The following PCDHA2 variants were observed in gnomAD, a reference collection of about 807,000 sequenced individuals.
PCDHA2 encodes protocadherin alpha-2.
A neutral mutation model predicts 66.0 loss-of-function variants in PCDHA2; 58 were observed. That is an observed-to-expected ratio of 0.88 (90% CI 0.71 to 1.09). The LOEUF is 1.09. PCDHA2 is among the 50% of genes least tolerant of loss of function. The pLI is 0.00. For synonymous variants in PCDHA2, 634 were observed against 554.0 expected, an observed-to-expected ratio of 1.14 and a Z score of -2.03; for missense variants, 1,267 against 1,242.3, an observed-to-expected ratio of 1.02 and a Z score of -0.30.
At chr5:140,871,530 T>C (rs188075654) in intron 1 of PCDHA2, 2 of 1,514,446 alleles carry the variant, frequency 1.3e-6, no homozygotes, top group Admixed American at 4.8e-5. Flanking sequence ...TCAGGAAGTG[T>C]ATGTGAAATT....
intron 1 of PCDHA2, chr5:140,800,951 T>C (rs890977861): frequency 9.0e-7 from 1 of 1,116,500 alleles, no homozygotes. Flanking sequence ...TCAAACGACA[T>C]ACAAGGAAAA....
intron 3 of PCDHA2, among the ~76,000 whole-genome samples, chr5:140,989,918 G>A (rs1554251173): frequency 6.6e-6 from 1 of 151,960 alleles, no homozygotes; most frequent in East Asian, 1.9e-4. Flanking sequence ...AAGAGGGAGA[G>A]CAGAGATAGA....
chr5:140,920,801 G>A (rs1303863265), intron 1 of PCDHA2, among the ~76,000 whole-genome samples: 2 of 148,716 alleles, frequency 1.3e-5, no homozygotes, highest in Non-Finnish European at 3.0e-5. Context: ...CCAAGATCAC[G>A]CCACTGCACT....
At position 140,842,876 on chromosome 5, in the gene PCDHA2, G is replaced by T. The variant is rs2150347081; in HGVS notation, c.2388+45524G>T. ...GCACACGGAGAGCGGCAAGGTGTAC[G>T]CGCTGCAGCCGCTGGACCACGAGGA... On this transcript the variant is annotated intron_variant, in intron 1 of 3. Transcript: ENST00000526136. 5.9e-3 allele frequency: 9,472 copies of T among 1,593,878 alleles called. 1,015 individuals are homozygous for T. The African/African-American group carries it at 0.11, about 18-fold the overall frequency.
rs2150496669 is a variant in PCDHA2 at position 140,850,740 on chromosome 5, T to C, written c.2388+53388T>C. 3.8e-6 allele frequency: 6 copies of C among 1,597,446 alleles called. No individual in the cohort carries two copies. In the South Asian group the frequency reaches 4.4e-5, roughly 12 times the overall value. On this transcript the variant is annotated intron_variant, in intron 1 of 3. Transcript: ENST00000526136. ...GTGTTCTAGCGCGGTGGGGAGTTGG[T>C]CGTACTCGCAGCAGAGGAGGCAGAG...
intron 1 of PCDHA2, chr5:140,843,145 G>A (rs2150353812): frequency 1.3e-6 from 2 of 1,596,072 alleles, no homozygotes; most frequent in South Asian, 1.1e-5. Flanking sequence ...CGTGGCTTTC[G>A]TATGAGCTGC....
chr5:140,805,381 C>T (rs1212116248), intron 1 of PCDHA2: 3 of 1,111,222 alleles, frequency 2.7e-6, no homozygotes, highest in Admixed American at 5.2e-5. Context: ...AGTGAAAGTA[C>T]TCTGGTTTCT....
intron 1 of PCDHA2, chr5:140,807,488 G>A (rs1053803675): frequency 6.2e-7 from 1 of 1,613,550 alleles, no homozygotes; most frequent in Non-Finnish European, 8.5e-7. Context: ...GCGGAGCGCG[G>A]AGTGCAGCAT....
At chr5:141,003,609 G>A (rs2098131688) in intron 3 of PCDHA2, among the ~76,000 whole-genome samples, 1 of 151,970 alleles carries the variant, frequency 6.6e-6, no homozygotes, top group Non-Finnish European at 1.5e-5. Context: ...CACCATTCCC[G>A]GCCCCAGAGG....
intron 1 of PCDHA2, chr5:140,824,193 C>T: frequency 1.2e-6 from 2 of 1,601,982 alleles, no homozygotes; most frequent in Non-Finnish European, 1.7e-6. Context: ...GTCACATTCA[C>T]CCACTTTTTT....
intron 1 of PCDHA2, chr5:140,877,810 C>G (rs782370638): frequency 3.1e-6 from 5 of 1,610,364 alleles, no homozygotes; most frequent in Admixed American, 3.4e-5. Context: ...TCAGCTGTCT[C>G]GAGAAGATTG....
rs1236098574 is a variant in PCDHA2 at position 140,852,665 on chromosome 5, C to T, written c.2388+55313C>T. The T allele has an allele frequency of 2.1e-6, 2 of 964,268 alleles. 1 individual carries two copies. The highest frequency in any genetic ancestry group is 3.6e-5 in the African/African-American group (2 of 55,886). 59.7% of individuals were successfully genotyped at this position (964,268 alleles called of 1,614,324 possible). A position where few individuals can be genotyped will look rare whatever the true frequency, so the allele number is the denominator to read the frequency against. Reference sequence around the variant, plus strand: ...AAACCTATCTATATCTGTCTATCAGCACAACTCACCTTGAATATAGTCTTA... The same window carrying T: ...AAACCTATCTATATCTGTCTATCAGTACAACTCACCTTGAATATAGTCTTA... On this transcript the variant is annotated intron_variant, in intron 1 of 3. Transcript: ENST00000526136.
chr5:140,920,118 T>A (rs1196076867), intron 1 of PCDHA2, among the ~76,000 whole-genome samples: 1 of 152,164 alleles, frequency 6.6e-6, no homozygotes, highest in Non-Finnish European at 1.5e-5. Context: ...CTTGCCAACA[T>A]CTTGAGTTTT....
chr5:141,007,158 A>C (rs1231758700), intron 3 of PCDHA2, among the ~76,000 whole-genome samples: 1 of 152,198 alleles, frequency 6.6e-6, no homozygotes, highest in African/African-American at 2.4e-5. Context: ...CTGTCAAAGA[A>C]CAGTCAGAGA....
rs1761900990 is a variant in PCDHA2 at position 140,794,989 on chromosome 5, C to T, written c.25C>T (p.Arg9Ter). The T allele has an allele frequency of 6.2e-7, 1 of 1,613,172 alleles. No homozygotes were observed. Among genetic ancestry groups the T allele is most frequent in the Non-Finnish European group, 8.5e-7 (1 of 1,179,478 alleles). The change falls in exon 1 of 4, where the codon CGA becomes TGA. Residue 9 changes from arginine to a stop codon, truncating the protein, a stop_gained. Coordinates refer to ENST00000526136, the MANE Select transcript of PCDHA2 (RefSeq NM_018905.3). LOFTEE classifies it high-confidence loss of function. ...AATGGCGTCTTCTATCAGAAGGGGC[C>T]GAGGGGCCTGGACACGGCTGCTCTC... is the stretch of plus-strand genomic sequence containing the variant. MASSIRRG[R>*]GAWTRLLSLL... is the part of the protein sequence containing the mutation.
At chr5:140,915,105 C>T (rs1554196760) in intron 1 of PCDHA2, among the ~76,000 whole-genome samples, 1 of 152,020 alleles carries the variant, frequency 6.6e-6, no homozygotes, top group East Asian at 1.9e-4. Flanking sequence ...ACCACCACAA[C>T]ACCCACCTAA....
intron 1 of PCDHA2, chr5:140,808,193 G>A: frequency 6.2e-7 from 1 of 1,614,238 alleles, no homozygotes; most frequent in Non-Finnish European, 8.5e-7. Context: ...CCATTGTAGA[G>A]TTATTGTGGA....
At chr5:140,869,139 AC>A in intron 1 of PCDHA2, 1 of 1,613,274 alleles carries the variant, frequency 6.2e-7, no homozygotes. Flanking sequence ...TGGGCACCCC[AC>A]GACTACAGCT....
intron 1 of PCDHA2, among the ~76,000 whole-genome samples, chr5:140,945,632 A>G (rs1258111936): frequency 6.6e-6 from 1 of 152,168 alleles, no homozygotes; most frequent in African/African-American, 2.4e-5. Flanking sequence ...GGCATAAAAG[A>G]CATGTAGACC....
Sources: allele counts gnomAD v4.1 joint callset (sites outside exome capture counted in the v4.1 genomes callset), GRCh38; gene constraint gnomAD v4.1.1; transcripts MANE v1.5; gene names NCBI Gene and HGNC (gene_info 2026-07-23, HGNC 2026-07-21).